Variants in ACSBG2 observed in about 807,000 individuals in gnomAD.
ACSBG2 encodes the protein acyl-CoA synthetase bubblegum family member 2.
Under a neutral mutation model 74.7 loss-of-function variants are expected in ACSBG2, and 62 were observed. The ratio of observed to expected loss-of-function variants is 0.83; its 90% CI spans 0.68 to 1.03. The LOEUF (loss-of-function observed/expected upper bound fraction) is 1.03. Among genes scored for constraint, ACSBG2 ranks in the 50% least tolerant of loss-of-function variants. ACSBG2 has a pLI of 0.00. For synonymous variants in ACSBG2, 309 were observed against 294.1 expected (o/e 1.05, Z -0.52); for missense variants, 730 against 817.6 (o/e 0.89, Z 1.31).
chr19:6,154,432 GAA>G (rs142309155), intron 4 of ACSBG2, among the ~76,000 whole-genome samples: 6 of 139,114 alleles, frequency 4.3e-5, no homozygotes, highest in East Asian at 2.0e-4. Context: ...GAGAGAGAGA[GAA>G]AATTATTATT....
At chr19:6,183,296 C>G (rs1434437985) in intron 10 of ACSBG2, 24 bp downstream of exon 10, 2 of 1,602,572 alleles carry the variant, frequency 1.2e-6, no homozygotes, top group African/African-American at 2.7e-5. Flanking sequence ...GGGCAGACCC[C>G]TGCTCCTCCC....
In ACSBG2 at chr19:6,174,777, C is replaced by T. The variant is rs1353402322; in HGVS notation, c.739-2452C>T. On this transcript the variant is annotated intron_variant, in intron 7 of 14. Transcript: ENST00000588485. This position sits in a 1 kb window ranked among gnomAD's most constrained non-coding sequence, Gnocchi z 4.2. ...GCAGTGAGCTATGATGCTGCCACTGCACTCCAGCCTGGGTGACAGAGTGAG... is the reference window on the plus strand; with the variant it reads ...GCAGTGAGCTATGATGCTGCCACTGTACTCCAGCCTGGGTGACAGAGTGAG... Among the ~76,000 whole-genome samples the T allele has an allele frequency of 3.9e-5, 6 of 152,226 alleles. No homozygotes were observed. Among genetic ancestry groups the T allele is most frequent in the Non-Finnish European group, 8.8e-5 (6 of 68,042 alleles).
In ACSBG2 at chr19:6,187,338, G is replaced by A; in HGVS notation, c.1596G>A (p.Leu532=). 6.2e-7 allele frequency: 1 copy of A among 1,614,110 alleles called. No homozygotes were observed. Among genetic ancestry groups the A allele is most frequent in the Non-Finnish European group, 8.5e-7 (1 of 1,180,016 alleles). The part of the protein sequence containing the change: ...ENVPPIPVET[L]VKKKIPIISN... ...TGCCCCCCATTCCTGTTGAGACCTT[G>A]GTTAAGAAGAAGATCCCCATCATCA... Residue 532 remains leucine (L), a synonymous_variant, in exon 12 of 15, where the codon TTG becomes TTA. Coordinates refer to ENST00000588485, the MANE Select transcript of ACSBG2 (RefSeq NM_030924.5).
At chr19:6,172,416 T>G (rs958837500) in intron 7 of ACSBG2, among the ~76,000 whole-genome samples, 10 of 152,200 alleles carry the variant, frequency 6.6e-5, no homozygotes, top group African/African-American at 2.4e-4. Context: ...TGTGTGTGAT[T>G]GTATGGCCTT....
At position 6,180,478 on chromosome 19, in the gene ACSBG2, A is replaced by G. The variant is rs58862367; in HGVS notation, c.907-2273A>G. 0.048 allele frequency among the ~76,000 whole-genome samples: 7,246 copies of G among 152,248 alleles called. 261 individuals carry two copies. The highest frequency in any genetic ancestry group is 0.1 in the African/African-American group (4,229 of 41,520). ...GTGCCTGAGATGTGTTAGGTCTTCA[A>G]TACATATTTCCTTTCTTGGCTGAAT... On this transcript the variant is annotated intron_variant, in intron 8 of 14. Coordinates refer to ENST00000588485, the MANE Select transcript of ACSBG2 (RefSeq NM_030924.5). This position sits in a 1 kb window ranked among gnomAD's most constrained non-coding sequence, Gnocchi z 4.3.
intron 1 of ACSBG2, among the ~76,000 whole-genome samples, chr19:6,138,762 A>AAGGAAGGGGAGGGAAGAAGGAAGT (rs1192757236): frequency 1.3e-5 from 2 of 148,220 alleles, no homozygotes; most frequent in Non-Finnish European, 3.0e-5. Flanking sequence ...GGGAAAAAGG[A>AAGGAAGGGGAGGGAAGAAGGAAGT]AGGAAGGGGA....
chr19:6,190,812 T>TATAC (rs2090542983), intron 14 of ACSBG2, 120 bp downstream of exon 14: 10 of 336,822 alleles, frequency 3.0e-5, no homozygotes, highest in East Asian at 2.6e-4. Context: ...CACACATACA[T>TATAC]ACACACACAC....
chr19:6,189,703 C>A (rs1329694214), intron 13 of ACSBG2: 1 of 150,832 alleles, frequency 6.6e-6, no homozygotes. Context: ...TATTTTCTTT[C>A]TTTCTTTCTT....
At chr19:6,162,874 G>A (rs1381993958) in intron 6 of ACSBG2, among the ~76,000 whole-genome samples, 2 of 151,870 alleles carry the variant, frequency 1.3e-5, no homozygotes, top group African/African-American at 4.8e-5. Context: ...CCTGGTGGGG[G>A]GAGGGTGGGC....
At chr19:6,177,435 T>C in intron 8 of ACSBG2, 39 bp downstream of exon 8, 1 of 1,537,828 alleles carries the variant, frequency 6.5e-7, no homozygotes, top group Non-Finnish European at 8.7e-7. Flanking sequence ...GACTTCATCC[T>C]CTTGGGCAGC....
At chr19:6,142,228 A>G (rs1726175528) in intron 2 of ACSBG2, among the ~76,000 whole-genome samples, 1 of 152,134 alleles carries the variant, frequency 6.6e-6, no homozygotes, top group South Asian at 2.1e-4. Flanking sequence ...TGGATAAAGT[A>G]CCCAGGAATC....
chr19:6,171,634 T>C (rs2089969006), intron 7 of ACSBG2, among the ~76,000 whole-genome samples: 1 of 152,146 alleles, frequency 6.6e-6, no homozygotes, highest in African/African-American at 2.4e-5. Context: ...TTTCTCTAGA[T>C]GCCTTTAAGA....
chr19:6,182,875 A>C lies in ACSBG2; in HGVS notation c.1031A>C (p.Lys344Thr), dbSNP rs759434629. 5 of 1,614,168 alleles carry C rather than the reference A, an allele frequency of 3.1e-6. No individual in the cohort carries two copies. The highest frequency in any genetic ancestry group is 4.2e-6 in the Non-Finnish European group (5 of 1,180,028). ...GCCAAGTCCATGGGCTTGAAGAAGA[A>C]GGCATTCGTGTGGGCAAGAAACATT... Reference protein sequence around the residue: ...NSAKSMGLKKKAFVWARNIGF... With the variant: ...NSAKSMGLKKTAFVWARNIGF... Residue 344 changes from lysine to threonine, a missense_variant, in exon 9 of 15, where the codon AAG becomes ACG. By Grantham distance (78) the Lys-to-Thr change is moderately conservative. Coordinates refer to ENST00000588485, the MANE Select transcript of ACSBG2 (RefSeq NM_030924.5).
chr19:6,136,298 T>TGCC (rs2088564416), intron 1 of ACSBG2, among the ~76,000 whole-genome samples: 1 of 151,906 alleles, frequency 6.6e-6, no homozygotes, highest in Non-Finnish European at 1.5e-5. Context: ...TTCACCACAT[T>TGCC]AGCCAGGATA....
Position 6,188,052 on chromosome 19 carries a change from T to C in ACSBG2, c.1927+207T>C, listed in dbSNP as rs372123103. On this transcript the variant is annotated intron_variant, in intron 13 of 14. Coordinates refer to ENST00000588485, the MANE Select transcript of ACSBG2 (RefSeq NM_030924.5). ...ACCTCCTTACTATAGCTCTATACAA[T>C]CTCTCGCCTGCTGACCTTTCATTCA... 2.0e-4 allele frequency among the ~76,000 whole-genome samples: 31 copies of C among 152,250 alleles called. No homozygotes were observed. The East Asian group carries it at 4.4e-3, about 22-fold the overall frequency.
chr19:6,161,417 C>T, intron 6 of ACSBG2, 122 bp downstream of exon 6: 2 of 850,702 alleles, frequency 2.4e-6, no homozygotes, highest in Non-Finnish European at 3.7e-6. Context: ...TGGGAACTCT[C>T]AAAGGAAGTA....
At chr19:6,190,116 C>T (rs2090521836) in intron 13 of ACSBG2, 2 of 170,108 alleles carry the variant, frequency 1.2e-5, no homozygotes, top group Admixed American at 1.1e-4. Context: ...GCTTGAGACA[C>T]CCAGAGGGGC....
chr19:6,164,493 C>T (rs1056421931), intron 6 of ACSBG2, among the ~76,000 whole-genome samples: 9 of 147,054 alleles, frequency 6.1e-5, no homozygotes, highest in African/African-American at 1.0e-4. Context: ...AGTGCAGTGG[C>T]GTGATCTTGG....
chr19:6,179,587 A>G (rs1453563672), intron 8 of ACSBG2, among the ~76,000 whole-genome samples: 1 of 152,176 alleles, frequency 6.6e-6, no homozygotes, highest in Non-Finnish European at 1.5e-5. Flanking sequence ...CAACAAATGA[A>G]CAGAAACTTA....
Sources: gnomAD v4.1 joint callset for allele counts (sites outside exome capture counted in the v4.1 genomes callset) on GRCh38, gnomAD v4.1.1 for gene constraint, Gnocchi (gnomAD v3.1) non-coding constraint, MANE v1.5 for transcripts, NCBI Gene and HGNC (gene_info 2026-07-23, HGNC 2026-07-21) for gene names.